KIAA1755: variants seen among roughly 807,000 people sequenced by gnomAD.
The protein encoded by KIAA1755 is KIAA1755, also known as uncharacterized protein KIAA1755.
Under a neutral mutation model 91.7 loss-of-function variants are expected in KIAA1755, and 68 were observed. The ratio of observed to expected loss-of-function variants is 0.74; its 90% CI spans 0.61 to 0.91. The LOEUF (loss-of-function observed/expected upper bound fraction) is 0.91. Ranked by LOEUF, KIAA1755 falls within the 40% of genes least tolerant of loss-of-function variation. KIAA1755 has a pLI of 0.00. For synonymous variants in KIAA1755, 610 were observed against 604.6 expected (o/e 1.01, Z -0.13); for missense variants, 1,535 against 1,494.4 (o/e 1.03, Z -0.45).
rs762176451 is a variant in KIAA1755, at chr20:38,245,360, G to A, written c.201+569C>T. Among the ~76,000 whole-genome samples, 73 of 152,262 alleles carry A rather than the reference G, an allele frequency of 4.8e-4. 1 individual carries two copies. The highest frequency in any genetic ancestry group is 1.5e-4 in the Non-Finnish European group (10 of 68,040). On this transcript the variant is annotated intron_variant, in intron 2 of 13. Transcript: ENST00000279024. ...AAAGGATCTTCAAGGGATTTGATCA[G>A]TGGATCAACTTGGGCCTGAGGCCTG...
At chr20:38,221,103 C>T (rs1185457340) in intron 10 of KIAA1755, among the ~76,000 whole-genome samples, 1 of 152,176 alleles carries the variant, frequency 6.6e-6, no homozygotes, top group Non-Finnish European at 1.5e-5. Context: ...CTGCAGCTCC[C>T]CACGGGTTGC....
chr20:38,245,509 C>T (rs191300194), intron 2 of KIAA1755, among the ~76,000 whole-genome samples: 1 of 152,322 alleles, frequency 6.6e-6, no homozygotes, highest in Admixed American at 6.5e-5. Context: ...GAAGAGGTCA[C>T]AGGGGAAGAA....
chr20:38,228,132 C>A lies in KIAA1755; in HGVS notation c.1965+15G>T. 6.3e-7 allele frequency: 1 copy of A among 1,582,706 alleles called. No individual in the cohort carries two copies. ...CCAGGACTTACTAGGCTAAGGCTCT[C>A]CACCTCCCACTCACCTGGGTGGCCT... On this transcript the variant is annotated intron_variant, in intron 6 of 13. Coordinates refer to ENST00000279024, the MANE Select transcript of KIAA1755 (RefSeq NM_001029864.2).
chr20:38,243,930 T>C (rs1331676432), intron 2 of KIAA1755, among the ~76,000 whole-genome samples: 1 of 152,146 alleles, frequency 6.6e-6, no homozygotes, highest in African/African-American at 2.4e-5. Context: ...CGTTTCTGCT[T>C]GACACATAAG....
chr20:38,226,872 A>G (rs2075765606), intron 7 of KIAA1755, among the ~76,000 whole-genome samples: 1 of 152,166 alleles, frequency 6.6e-6, no homozygotes, highest in Non-Finnish European at 1.5e-5. Context: ...AAGCTTTTCA[A>G]ATAGGTTCTA....
Position 38,240,730 on chromosome 20 carries a change from G to T in KIAA1755, c.1401C>A (p.Pro467=), listed in dbSNP as rs141704693. 8.3e-6 allele frequency: 13 copies of T among 1,570,836 alleles called. No individual in the cohort carries two copies. The highest frequency in any genetic ancestry group is 4.1e-5 in the African/African-American group (3 of 73,490). Residue 467 remains proline, a synonymous_variant, in exon 3 of 14, where the codon CCC becomes CCA. Coordinates refer to ENST00000279024, the MANE Select transcript of KIAA1755 (RefSeq NM_001029864.2). Reference sequence around the variant, plus strand: ...AGAATGAGAATTTGAGCCCAGGAGTGGGGGGCTCAGGGGAGGAGGTGTTTC... The same window carrying T: ...AGAATGAGAATTTGAGCCCAGGAGTTGGGGGCTCAGGGGAGGAGGTGTTTC... The part of the protein sequence containing the change: ...PSRNTSSPEP[P]TPGLKFSFLR...
Position 38,231,068 on chromosome 20 carries a change from G to C in KIAA1755, c.1871+134C>G, listed in dbSNP as rs1004567035. 9.1e-6 allele frequency: 9 copies of C among 987,266 alleles called. No homozygotes were observed. In the African/African-American group the frequency reaches 1.5e-4, roughly 16 times the overall value. The allele number at this position is 987,266 out of a possible 1,614,324, so 61.2% of individuals were successfully genotyped here. The stretch of plus-strand genomic sequence containing the variant: ...GCTGTTTTGCTTTCCCCCGGCATCT[G>C]TCTGGGGACTGGCTCTGTGAACAGA... On this transcript the variant is annotated intron_variant, in intron 5 of 13. Coordinates refer to ENST00000279024, the MANE Select transcript of KIAA1755 (RefSeq NM_001029864.2).
At chr20:38,245,152 C>T (rs998280534) in intron 2 of KIAA1755, among the ~76,000 whole-genome samples, 4 of 152,164 alleles carry the variant, frequency 2.6e-5, no homozygotes, top group Non-Finnish European at 5.9e-5. Context: ...GGCATATGAC[C>T]CAAGCCTGGC....
intron 1 of KIAA1755, among the ~76,000 whole-genome samples, chr20:38,252,264 C>T (rs1408914182): frequency 6.6e-6 from 1 of 152,176 alleles, no homozygotes; most frequent in Non-Finnish European, 1.5e-5. Context: ...TATTTTCACT[C>T]ATCCTGTCAG....
At chr20:38,217,185 C>A in intron 13 of KIAA1755, 68 bp downstream of exon 13, 1 of 1,380,612 alleles carries the variant, frequency 7.2e-7, no homozygotes. Context: ...GTCTAGGTAT[C>A]CCTGTCCCCA....
intron 1 of KIAA1755, among the ~76,000 whole-genome samples, chr20:38,246,577 C>T (rs549452884): frequency 5.9e-5 from 9 of 152,288 alleles, no homozygotes; most frequent in African/African-American, 2.2e-4. Context: ...GAAGCCCAGC[C>T]CAGACCAGAC....
chr20:38,242,031 G>A, intron 2 of KIAA1755, 102 bp from the exon 3 acceptor site: 3 of 1,211,260 alleles, frequency 2.5e-6, no homozygotes, highest in South Asian at 2.9e-5. Context: ...AACAGGTCAG[G>A]GACTAGGATG....
intron 1 of KIAA1755, among the ~76,000 whole-genome samples, chr20:38,258,127 C>T (rs987513611): frequency 2.0e-4 from 30 of 152,140 alleles, no homozygotes; most frequent in Admixed American, 1.4e-3. Context: ...TCTTGAACTC[C>T]TGACCTCTGG....
chr20:38,245,788 A>G, intron 2 of KIAA1755, 141 bp downstream of exon 2: 7 of 708,420 alleles, frequency 9.9e-6, no homozygotes, highest in Admixed American at 2.5e-5. Context: ...TGGGCAAGCA[A>G]TGATACTTGG....
intron 7 of KIAA1755, 73 bp downstream of exon 7, chr20:38,227,081 C>G (rs2075769864): frequency 8.9e-7 from 1 of 1,117,972 alleles, no homozygotes; most frequent in Non-Finnish European, 1.3e-6. Flanking sequence ...TGCAGTTCTC[C>G]CTCTCCTTAA....
At chr20:38,246,175 A>G in intron 1 of KIAA1755, 49 bp from the exon 2 acceptor site, 2 of 1,510,150 alleles carry the variant, frequency 1.3e-6, no homozygotes, top group Non-Finnish European at 1.8e-6. Context: ...TAATAAGGGC[A>G]GAGACCACTT....
intron 13 of KIAA1755, among the ~76,000 whole-genome samples, chr20:38,215,921 G>C (rs1196836187): frequency 2.6e-5 from 4 of 152,210 alleles, no homozygotes; most frequent in African/African-American, 9.7e-5. Flanking sequence ...GGTAAGGCTG[G>C]CAGTAGAGCC....
Position 38,218,316 on chromosome 20 carries a change from G to A in KIAA1755, c.2607C>T (p.Thr869=), listed in dbSNP as rs143492907. The A allele has an allele frequency of 4.3e-3, 7,021 of 1,614,182 alleles. 22 individuals are homozygous for A. Among genetic ancestry groups the A allele is most frequent in the Non-Finnish European group, 5.1e-3 (5,962 of 1,180,036 alleles). ...CTGTCTCCAAACTTCCATCCTTGGGGGTCAGTGATTGCAGGCACCGCCTTC... is the reference window on the plus strand; with the variant it reads ...CTGTCTCCAAACTTCCATCCTTGGGAGTCAGTGATTGCAGGCACCGCCTTC... ...QEGRRCLQSL[T]PKDGSLETVE... The change falls in exon 12 of 14, where the codon ACC becomes ACT. Residue 869 remains threonine, a synonymous_variant. Coordinates refer to ENST00000279024, the MANE Select transcript of KIAA1755 (RefSeq NM_001029864.2).
In KIAA1755 at chr20:38,213,715, T is replaced by A. The variant is rs750134674; in HGVS notation, c.2930A>T (p.Asp977Val). ...GTCCAGCCTGAGCTGGGCCATCAGG[T>A]CCTGACAGTCCATGTGGAACCAGGT... ...RMTWFHMDCQ[D>V]LMAQLRLDKT... Residue 977 changes from aspartate to valine, a missense_variant, in exon 14 of 14, where the codon GAC (aspartate) becomes GTC (valine). Transcript: ENST00000279024. 5 of 1,500,320 alleles carry A rather than the reference T, an allele frequency of 3.3e-6. No individual in the cohort carries two copies. Among genetic ancestry groups the A allele is most frequent in the Non-Finnish European group, 4.4e-6 (5 of 1,124,996 alleles). 92.9% of individuals were successfully genotyped at this position (1,500,320 alleles called of 1,614,324 possible). A position where few individuals can be genotyped will look rare whatever the true frequency, so the allele number is the denominator to read the frequency against.
Sources: allele counts gnomAD v4.1 joint callset (sites outside exome capture counted in the v4.1 genomes callset), GRCh38; gene constraint gnomAD v4.1.1; transcripts MANE v1.5; gene names NCBI Gene and HGNC (gene_info 2026-07-23, HGNC 2026-07-21).